Variants in FOXJ3 observed in about 807,000 individuals in gnomAD.
FOXJ3 encodes forkhead box J3, also known as forkhead box protein J3.
FOXJ3 carries 22 observed loss-of-function variants against 76.1 expected under a neutral mutation model. The observed-to-expected ratio is 0.29, with a 90% CI of 0.21 to 0.41. FOXJ3 has a LOEUF of 0.41. FOXJ3 is among the 10% of genes least tolerant of loss of function. The pLI, the probability that FOXJ3 is intolerant of heterozygous loss-of-function variation, is 1.00. For missense variants in FOXJ3, 613 were observed against 762.1 expected (o/e 0.80, Z 2.30); for synonymous variants, 269 against 261.2 (o/e 1.03, Z -0.29).
chr1:42,266,925 T>C (rs1651508013), intron 3 of FOXJ3, among the ~76,000 whole-genome samples: 1 of 152,104 alleles, frequency 6.6e-6, no homozygotes, highest in Non-Finnish European at 1.5e-5. Context: ...CCTTACCCAG[T>C]ACATAGGCAA....
At chr1:42,281,385 TAGC>T (rs912599983) in intron 2 of FOXJ3, among the ~76,000 whole-genome samples, 8 of 151,862 alleles carry the variant, frequency 5.3e-5, no homozygotes, top group Admixed American at 2.6e-4. Flanking sequence ...AGGAAGAACT[TAGC>T]AAGTCTTCAG....
intron 4 of FOXJ3, among the ~76,000 whole-genome samples, chr1:42,248,257 G>A (rs532137027): frequency 4.6e-4 from 70 of 152,216 alleles, no homozygotes; most frequent in South Asian, 1.9e-3. Context: ...AACATTGGCC[G>A]GGCGTGGTGG....
rs1455467811 is a variant in FOXJ3, at chr1:42,176,669, C to T, written c.*3041G>A. The T allele has an allele frequency of 6.6e-6, 1 of 152,538 alleles. No individual in the cohort carries two copies. The highest frequency in any genetic ancestry group is 1.5e-5 in the Non-Finnish European group (1 of 68,028). 9.4% of individuals were successfully genotyped at this position (152,538 alleles called of 1,614,324 possible). On this transcript the variant is annotated 3_prime_UTR_variant, in exon 13 of 13. Transcript: ENST00000361346. ...CTAAACAGTTACAAATAATGGTTGC[C>T]GTTCATCATAGAGGCAAAATATGAA...
At chr1:42,248,560 T>G (rs1472736251) in intron 4 of FOXJ3, among the ~76,000 whole-genome samples, 1 of 149,542 alleles carries the variant, frequency 6.7e-6, no homozygotes, top group Non-Finnish European at 1.5e-5. Context: ...AAAGACAACA[T>G]TTATGGTATG....
intron 4 of FOXJ3, among the ~76,000 whole-genome samples, chr1:42,228,740 T>C (rs1430846484): frequency 3.9e-5 from 6 of 152,268 alleles, no homozygotes; most frequent in African/African-American, 9.6e-5. Context: ...TAGCTCTTTT[T>C]CCCTCAATTA....
chr1:42,307,865 A>G (rs1477107013), intron 2 of FOXJ3, among the ~76,000 whole-genome samples: 1 of 152,240 alleles, frequency 6.6e-6, no homozygotes, highest in Admixed American at 6.5e-5. Context: ...TTTTAATCAT[A>G]AAAATACAGT....
At chr1:42,255,328 T>C (rs1222628294) in intron 4 of FOXJ3, among the ~76,000 whole-genome samples, 1 of 152,320 alleles carries the variant, frequency 6.6e-6, no homozygotes, top group East Asian at 1.9e-4. Context: ...AAGTTGGTGA[T>C]ACATATTGTT....
At chr1:42,239,135 C>T (rs1648931276) in intron 4 of FOXJ3, among the ~76,000 whole-genome samples, 1 of 152,126 alleles carries the variant, frequency 6.6e-6, no homozygotes, top group Admixed American at 6.5e-5. Context: ...TGTAACCTTG[C>T]TAAACTCACA....
intron 2 of FOXJ3, among the ~76,000 whole-genome samples, chr1:42,310,595 G>A (rs923682355): frequency 6.6e-6 from 1 of 151,580 alleles, no homozygotes; most frequent in Non-Finnish European, 1.5e-5. Flanking sequence ...TTACAGGTGT[G>A]AGCCACCACA....
intron 1 of FOXJ3, among the ~76,000 whole-genome samples, chr1:42,326,260 T>G (rs1046628675): frequency 3.3e-5 from 5 of 151,976 alleles, no homozygotes; most frequent in Admixed American, 2.6e-4. Context: ...CAAAAAAAAG[T>G]CCGAAGATCC....
chr1:42,280,491 A>C, intron 2 of FOXJ3: 45 of 904,696 alleles, frequency 5.0e-5, no homozygotes, highest in Non-Finnish European at 5.5e-5. Flanking sequence ...CTACAATCTC[A>C]ACCAGAAATG....
chr1:42,322,685 T>C (rs1655502083), intron 1 of FOXJ3, among the ~76,000 whole-genome samples: 1 of 152,098 alleles, frequency 6.6e-6, no homozygotes. Flanking sequence ...CAGCCTAGAC[T>C]CAATCAGAAG....
At chr1:42,291,331 C>T (rs982707117) in intron 2 of FOXJ3, among the ~76,000 whole-genome samples, 4 of 152,118 alleles carry the variant, frequency 2.6e-5, no homozygotes, top group African/African-American at 9.7e-5. Context: ...TCTGGTTAGG[C>T]AAATATTTCT....
rs115866792 is a variant in FOXJ3, at chr1:42,229,503, A to G, written c.445-1537T>C. On this transcript the variant is annotated intron_variant, in intron 4 of 12. Transcript: ENST00000361346. ...ATGTCAGTGTACACTGTTGGGGTAC[A>G]AGGTAGGTGTGTACGTCTCAGATTC... is the stretch of plus-strand genomic sequence containing the variant. Among the ~76,000 whole-genome samples, 627 of 152,298 alleles carry G rather than the reference A, an allele frequency of 4.1e-3. 3 individuals are homozygous for G. The highest frequency in any genetic ancestry group is 0.014 in the African/African-American group (584 of 41,550).
intron 2 of FOXJ3, among the ~76,000 whole-genome samples, chr1:42,286,594 G>A (rs1653068587): frequency 6.6e-6 from 1 of 152,172 alleles, no homozygotes; most frequent in Non-Finnish European, 1.5e-5. Context: ...TTGTTATCAA[G>A]TTAATATTAA....
chr1:42,275,646 A>G (rs1652204954), intron 3 of FOXJ3, among the ~76,000 whole-genome samples: 1 of 152,222 alleles, frequency 6.6e-6, no homozygotes. Flanking sequence ...AGGCTGACAG[A>G]GAAAACAAGA....
In FOXJ3 at chr1:42,227,928, A is replaced by G. The variant is rs1167505107; in HGVS notation, c.483T>C (p.Asp161=). ...TCTTCTTTGGCCGAGTAGGCAGCAC[A>G]TCTTCCTTCGGATTGGTGTCTATTG... ...YWAIDTNPKE[D]VLPTRPKKRA... The change falls in exon 5 of 13, where the codon GAT becomes GAC. Residue 161 remains aspartate (D), a synonymous_variant. Coordinates refer to ENST00000361346, the MANE Select transcript of FOXJ3 (RefSeq NM_014947.5). The G allele has an allele frequency of 1.3e-6, 2 of 1,578,252 alleles. No homozygotes were observed. The highest frequency in any genetic ancestry group is 1.2e-5 in the South Asian group (1 of 86,196).
intron 5 of FOXJ3, among the ~76,000 whole-genome samples, chr1:42,219,129 T>A (rs545531197): frequency 2.9e-4 from 44 of 152,316 alleles, no homozygotes; most frequent in African/African-American, 9.6e-4. Flanking sequence ...TCAACTATGG[T>A]CTAAAAATTT....
At chr1:42,287,766 G>C (rs1653152819) in intron 2 of FOXJ3, among the ~76,000 whole-genome samples, 1 of 152,092 alleles carries the variant, frequency 6.6e-6, no homozygotes, top group African/African-American at 2.4e-5. Flanking sequence ...TTCAAGATCA[G>C]CATGGGCAAC....
Sources: allele counts gnomAD v4.1 joint callset (sites outside exome capture counted in the v4.1 genomes callset), GRCh38; gene constraint gnomAD v4.1.1; transcripts MANE v1.5; gene names NCBI Gene and HGNC (gene_info 2026-07-23, HGNC 2026-07-21).